Variants in FGF12 observed in about 807,000 individuals in gnomAD.
The protein encoded by FGF12 is fibroblast growth factor 12B.
FGF12 carries 14 observed loss-of-function variants against 23.6 expected under a neutral mutation model. The observed-to-expected ratio is 0.59, with a 90% CI of 0.39 to 0.93. FGF12 has a LOEUF of 0.93. Ranked by LOEUF, FGF12 falls within the 40% of genes least tolerant of loss-of-function variation. FGF12 has a pLI of 0.00. For missense variants in FGF12, 175 were observed against 217.8 expected (o/e 0.80, Z 1.24); for synonymous variants, 62 against 77.3 (o/e 0.80, Z 1.04).
intron 2 of FGF12, among the ~76,000 whole-genome samples, chr3:192,621,569 G>A (rs1443375570): frequency 1.3e-5 from 2 of 151,722 alleles, no homozygotes; most frequent in East Asian, 1.9e-4. Flanking sequence ...TAGACGACTC[G>A]TGGAGCATAG....
Position 192,408,802 on chromosome 3 carries a change from GAGA to G in FGF12, c.14-48267_14-48265del, listed in dbSNP as rs1253571649. ...AGAAAACAAGCCACCAACCGCACGA[GAGA>G]AGGAGAGGAAGGCAGCAATTTAACT... On this transcript the variant is annotated intron_variant, in intron 2 of 5. Transcript: ENST00000445105. This position sits in a 1 kb window ranked among gnomAD's most constrained non-coding sequence, Gnocchi z 7.3. 8.1e-6 allele frequency: 8 copies of G among 985,814 alleles called. No individual in the cohort carries two copies. The highest frequency in any genetic ancestry group is 6.1e-5 in the Admixed American group (1 of 16,292). The allele number at this position is 985,814 out of a possible 1,614,324, so 61.1% of individuals were successfully genotyped here.
chr3:192,279,480 C>T (rs1714016549), intron 4 of FGF12, among the ~76,000 whole-genome samples: 1 of 151,750 alleles, frequency 6.6e-6, no homozygotes, highest in African/African-American at 2.4e-5. Context: ...TATTATATTC[C>T]CCATTTTATA....
intron 2 of FGF12, among the ~76,000 whole-genome samples, chr3:192,540,429 C>A: frequency 6.6e-6 from 1 of 151,910 alleles, no homozygotes; most frequent in Non-Finnish European, 1.5e-5. Context: ...TGTCTAATTT[C>A]CTCATGGTTG....
intron 2 of FGF12, among the ~76,000 whole-genome samples, chr3:192,388,714 A>T (rs1212876311): frequency 6.6e-6 from 1 of 152,178 alleles, no homozygotes; most frequent in African/African-American, 2.4e-5. Context: ...ATTATATTTT[A>T]AAAACATTTC....
At chr3:192,177,189 C>G (rs1025488906) in intron 4 of FGF12, among the ~76,000 whole-genome samples, 1 of 152,198 alleles carries the variant, frequency 6.6e-6, no homozygotes, top group Non-Finnish European at 1.5e-5. Context: ...GCCAGTTAAC[C>G]TCTCTGAGCC....
chr3:192,427,203 A>T (rs1721714818), intron 2 of FGF12, among the ~76,000 whole-genome samples: 1 of 152,112 alleles, frequency 6.6e-6, no homozygotes, highest in South Asian at 2.1e-4. Context: ...CAACATGGTG[A>T]AACCCCGTCT....
intron 5 of FGF12, among the ~76,000 whole-genome samples, chr3:192,148,444 G>C (rs1713848193): frequency 6.6e-6 from 1 of 152,204 alleles, no homozygotes. Flanking sequence ...CTTGCCAGGG[G>C]CTGGGGAAGA....
At chr3:192,727,459 CAG>C in intron 1 of FGF12, 23 bp downstream of exon 1, 8 of 805,612 alleles carry the variant, frequency 9.9e-6, no homozygotes, top group South Asian at 3.9e-5. Context: ...AGTGCCCGCT[CAG>C]ATTTTTTTTT....
At position 192,321,831 on chromosome 3, in the gene FGF12, G is replaced by A. The variant is rs539301318; in HGVS notation, c.228+13530C>T. ...AGGATCATATCTTGACAAAATAAAAGCCATACATCGCAGACCCACAGCTGG... is the reference window on the plus strand; with the variant it reads ...AGGATCATATCTTGACAAAATAAAAACCATACATCGCAGACCCACAGCTGG... On this transcript the variant is annotated intron_variant, in intron 4 of 5. Transcript: ENST00000445105. Among the ~76,000 whole-genome samples the A allele has an allele frequency of 2.0e-5, 3 of 152,082 alleles. No individual in the cohort carries two copies. The East Asian group carries it at 5.8e-4, about 29-fold the overall frequency.
chr3:192,167,731 G>GTGTATA (rs1461525196), intron 5 of FGF12, among the ~76,000 whole-genome samples: 5 of 25,046 alleles, frequency 2.0e-4, no homozygotes, highest in African/African-American at 8.3e-4. Context: ...TAGGTTATAG[G>GTGTATA]TATATATATA....
intron 2 of FGF12, among the ~76,000 whole-genome samples, chr3:192,714,848 C>T (rs1451092490): frequency 6.6e-6 from 1 of 152,092 alleles, no homozygotes; most frequent in Non-Finnish European, 1.5e-5. Flanking sequence ...TGACACTTTT[C>T]GAAAGGTTAT....
intron 2 of FGF12, among the ~76,000 whole-genome samples, chr3:192,715,375 T>C (rs1194336932): frequency 6.6e-6 from 1 of 152,196 alleles, no homozygotes; most frequent in Non-Finnish European, 1.5e-5. Context: ...GCACAATAAA[T>C]GGACACTGGA....
chr3:192,630,452 C>T (rs1715341500), intron 2 of FGF12, among the ~76,000 whole-genome samples: 2 of 151,948 alleles, frequency 1.3e-5, no homozygotes, highest in Non-Finnish European at 2.9e-5. Context: ...AAAAATTACC[C>T]AGGGTCATGC....
At chr3:192,713,746 C>T (rs1057117310) in intron 2 of FGF12, among the ~76,000 whole-genome samples, 1 of 152,164 alleles carries the variant, frequency 6.6e-6, no homozygotes, top group Non-Finnish European at 1.5e-5. Context: ...GTTCATAAAT[C>T]TTTTACCAAT....
intron 4 of FGF12, among the ~76,000 whole-genome samples, chr3:192,176,781 TAAC>T (rs1311441977): frequency 6.6e-6 from 1 of 152,208 alleles, no homozygotes; most frequent in Non-Finnish European, 1.5e-5. Flanking sequence ...TAATAACAAA[TAAC>T]AACCATTCAT....
chr3:192,528,951 C>T (rs1392493661), intron 2 of FGF12, among the ~76,000 whole-genome samples: 3 of 152,162 alleles, frequency 2.0e-5, no homozygotes, highest in South Asian at 2.1e-4. Flanking sequence ...GTCCTCTAGG[C>T]CTGAGATGGG....
In FGF12 at chr3:192,140,838, T is replaced by C. The variant is rs1713328314; in HGVS notation, c.*3171A>G. ...TTACTATGAGAATAGGATGGCTTGC[T>C]GCCCTCCAATTTGCGGAAGCACAAA... On this transcript the variant is annotated 3_prime_UTR_variant, in exon 6 of 6. Transcript: ENST00000445105. The C allele has an allele frequency of 6.6e-6, 1 of 151,952 alleles. No homozygotes were observed. Among genetic ancestry groups the C allele is most frequent in the Non-Finnish European group, 1.5e-5 (1 of 67,856 alleles). The allele number at this position is 151,952 out of a possible 1,614,324, so 9.4% of individuals were successfully genotyped here.
intron 2 of FGF12, among the ~76,000 whole-genome samples, chr3:192,456,406 T>C (rs940400427): frequency 2.6e-5 from 4 of 152,206 alleles, no homozygotes; most frequent in African/African-American, 9.6e-5. Flanking sequence ...TGGAGTTTCA[T>C]TGCAATTAGA....
intron 4 of FGF12, among the ~76,000 whole-genome samples, chr3:192,242,396 G>T (rs1719665722): frequency 6.6e-6 from 1 of 152,080 alleles, no homozygotes; most frequent in Non-Finnish European, 1.5e-5. Flanking sequence ...AAGTGTTTAT[G>T]AACATTGCCA....
Sources: gnomAD v4.1 joint callset for allele counts (sites outside exome capture counted in the v4.1 genomes callset) on GRCh38, gnomAD v4.1.1 for gene constraint, Gnocchi (gnomAD v3.1) non-coding constraint, MANE v1.5 for transcripts, NCBI Gene and HGNC (gene_info 2026-07-23, HGNC 2026-07-21) for gene names.